Variants in TSHZ2 observed in about 807,000 individuals in gnomAD.
TSHZ2 encodes the protein teashirt homolog 2.
Under a neutral mutation model 74.4 loss-of-function variants are expected in TSHZ2, and 21 were observed. The ratio of observed to expected loss-of-function variants is 0.28; its 90% CI spans 0.20 to 0.41. TSHZ2 has a LOEUF of 0.41. Ranked by LOEUF, TSHZ2 falls within the 10% of genes least tolerant of loss-of-function variation. TSHZ2 has a pLI of 1.00. For missense variants in TSHZ2, 1,244 were observed against 1,293.5 expected (o/e 0.96, Z 0.59); for synonymous variants, 540 against 515.3 (o/e 1.05, Z -0.65).
rs190404102 is a variant in TSHZ2, at chr20:53,464,720, T to C, written c.*9-22424T>C. On this transcript the variant is annotated intron_variant, in intron 2 of 2. Transcript: ENST00000371497. The stretch of plus-strand genomic sequence containing the variant: ...CTGGGCTCAAGAGTCCTCCTGCCTC[T>C]GCTTCCCAAAGTGCTGGGATTACAG... 2.9e-4 allele frequency among the ~76,000 whole-genome samples: 44 copies of C among 152,166 alleles called. 1 individual carries two copies. The East Asian group carries it at 8.1e-3, about 28-fold the overall frequency.
At chr20:53,196,155 C>T (rs1988859967) in intron 1 of TSHZ2, 1 of 152,006 alleles carries the variant, frequency 6.6e-6, no homozygotes, top group South Asian at 2.1e-4. Context: ...CATTATGCCT[C>T]TGATCAAAAG....
chr20:53,211,860 G>A (rs1989314498), intron 1 of TSHZ2, among the ~76,000 whole-genome samples: 1 of 152,134 alleles, frequency 6.6e-6, no homozygotes, highest in Admixed American at 6.5e-5. Flanking sequence ...GTACCCAATA[G>A]GTAACTTTTC....
At chr20:53,197,425 C>T (rs551920917) in intron 1 of TSHZ2, among the ~76,000 whole-genome samples, 9 of 152,250 alleles carry the variant, frequency 5.9e-5, no homozygotes, top group African/African-American at 2.2e-4. Flanking sequence ...TATTTGTAAC[C>T]TTTGGGGTTT....
At chr20:53,054,346 G>A (rs932099215) in intron 1 of TSHZ2, among the ~76,000 whole-genome samples, 3 of 152,184 alleles carry the variant, frequency 2.0e-5, no homozygotes, top group African/African-American at 7.2e-5. Context: ...GCTTCGATGT[G>A]TTAGATTGCT....
chr20:53,079,363 C>T (rs1229829247), intron 1 of TSHZ2, among the ~76,000 whole-genome samples: 1 of 152,166 alleles, frequency 6.6e-6, no homozygotes, highest in Non-Finnish European at 1.5e-5. Context: ...CAACAGTGTG[C>T]ATATCTCATG....
intron 2 of TSHZ2, among the ~76,000 whole-genome samples, chr20:53,409,267 A>G (rs1268304274): frequency 6.7e-6 from 1 of 150,306 alleles, no homozygotes; most frequent in Non-Finnish European, 1.5e-5. Context: ...CTTTCTTCAG[A>G]AAAAAAAAAT....
intron 2 of TSHZ2, chr20:53,412,789 TA>T (rs1260048940): frequency 6.6e-6 from 1 of 152,328 alleles, no homozygotes; most frequent in Non-Finnish European, 1.5e-5. Flanking sequence ...ACTCCTTCCC[TA>T]AACAAACTGT....
intron 1 of TSHZ2, among the ~76,000 whole-genome samples, chr20:52,973,962 G>A (rs1981231940): frequency 6.6e-6 from 1 of 152,130 alleles, no homozygotes; most frequent in Non-Finnish European, 1.5e-5. Context: ...GGGTTGTAGG[G>A]GGGAAATTCC....
chr20:53,280,690 G>T (rs531250273), intron 2 of TSHZ2, among the ~76,000 whole-genome samples: 13 of 144,882 alleles, frequency 9.0e-5, no homozygotes, highest in African/African-American at 3.2e-4. Context: ...GTTGTGTGTG[G>T]GGGTTTTTTT....
chr20:53,394,157 A>C (rs1982359903), intron 2 of TSHZ2, among the ~76,000 whole-genome samples: 1 of 152,102 alleles, frequency 6.6e-6, no homozygotes, highest in Non-Finnish European at 1.5e-5. Context: ...AAGGAATGTG[A>C]CCTCTGAGGT....
chr20:53,039,392 G>A (rs1983954491), intron 1 of TSHZ2, among the ~76,000 whole-genome samples: 1 of 152,120 alleles, frequency 6.6e-6, no homozygotes, highest in African/African-American at 2.4e-5. Context: ...CTCTCTCGAT[G>A]CTGTTGTATT....
intron 1 of TSHZ2, among the ~76,000 whole-genome samples, chr20:53,128,084 A>G (rs1402123917): frequency 1.3e-5 from 2 of 152,144 alleles, no homozygotes; most frequent in Non-Finnish European, 2.9e-5. Context: ...AGTAGATTTC[A>G]TCTTGAGGGT....
chr20:53,304,085 A>G (rs1000013651), intron 2 of TSHZ2, among the ~76,000 whole-genome samples: 1 of 151,740 alleles, frequency 6.6e-6, no homozygotes, highest in Non-Finnish European at 1.5e-5. Context: ...CATGTGCACA[A>G]TGTGCAGGTA....
intron 2 of TSHZ2, among the ~76,000 whole-genome samples, chr20:53,337,337 C>T (rs1227392374): frequency 6.6e-6 from 1 of 152,204 alleles, no homozygotes; most frequent in African/African-American, 2.4e-5. Flanking sequence ...GGGACTGTTG[C>T]CTTGCCATGT....
At chr20:52,986,728 CA>C (rs982599218) in intron 1 of TSHZ2, among the ~76,000 whole-genome samples, 1 of 150,016 alleles carries the variant, frequency 6.7e-6, no homozygotes, top group East Asian at 1.9e-4. Context: ...AACTCCGTCT[CA>C]AAAAAAAAGA....
chr20:53,099,762 A>G (rs1401726655), intron 1 of TSHZ2, among the ~76,000 whole-genome samples: 2 of 152,166 alleles, frequency 1.3e-5, no homozygotes, highest in African/African-American at 2.4e-5. Context: ...CTACTACGAC[A>G]AGAGTATGGG....
intron 2 of TSHZ2, among the ~76,000 whole-genome samples, chr20:53,401,939 T>C (rs974500028): frequency 1.3e-5 from 2 of 152,128 alleles, no homozygotes; most frequent in Non-Finnish European, 2.9e-5. Flanking sequence ...CCCGCCACCA[T>C]GCCTGGCTAA....
chr20:53,460,847 A>C (rs1372270567), intron 2 of TSHZ2, among the ~76,000 whole-genome samples: 2 of 152,166 alleles, frequency 1.3e-5, no homozygotes, highest in Admixed American at 1.3e-4. Context: ...GGTGCCTCCC[A>C]GTTAGGCTGC....
chr20:53,285,985 T>G (rs1031520777), intron 2 of TSHZ2, among the ~76,000 whole-genome samples: 3 of 140,884 alleles, frequency 2.1e-5, no homozygotes, highest in African/African-American at 3.2e-5. Flanking sequence ...AAAACAGAGG[T>G]TTTTTTTTAA....
Sources: gnomAD v4.1 joint callset for allele counts (sites outside exome capture counted in the v4.1 genomes callset) on GRCh38, gnomAD v4.1.1 for gene constraint, MANE v1.5 for transcripts, NCBI Gene and HGNC (gene_info 2026-07-23, HGNC 2026-07-21) for gene names.